The following SNX6 variants were observed in gnomAD, a reference collection of about 807,000 sequenced individuals.
SNX6 encodes the protein sorting nexin 6.
A neutral mutation model predicts 63.0 loss-of-function variants in SNX6; 34 were observed. That is an observed-to-expected ratio of 0.54 (90% confidence interval 0.41 to 0.72). The LOEUF (loss-of-function observed/expected upper bound fraction) is 0.72. SNX6 is among the 30% of genes least tolerant of loss of function. The pLI is 0.00. For synonymous variants in SNX6, 170 were observed against 164.2 expected, an observed-to-expected ratio of 1.04 and a Z score of -0.27; for missense variants, 398 against 471.4, an observed-to-expected ratio of 0.84 and a Z score of 1.44.
At chr14:34,605,273 A>G (rs1033274445) in intron 5 of SNX6, among the ~76,000 whole-genome samples, 3 of 152,034 alleles carry the variant, frequency 2.0e-5, no homozygotes, top group Non-Finnish European at 4.4e-5. Flanking sequence ...CATGTTCTCT[A>G]TTTCTTTTTC....
intron 4 of SNX6, 89 bp from the exon 5 acceptor site, chr14:34,605,806 A>C: frequency 6.8e-7 from 1 of 1,469,750 alleles, no homozygotes; most frequent in Non-Finnish European, 9.0e-7. Context: ...GTGTCTGGGA[A>C]AGCTAAGGGG....
chr14:34,602,908 G>A (rs1183166844), intron 6 of SNX6, among the ~76,000 whole-genome samples: 3 of 150,528 alleles, frequency 2.0e-5, no homozygotes, highest in Admixed American at 6.6e-5. Flanking sequence ...CCCGGGAGGC[G>A]GAGCTTGCAG....
chr14:34,614,397 A>G (rs1477969042), intron 2 of SNX6, among the ~76,000 whole-genome samples: 2 of 152,092 alleles, frequency 1.3e-5, no homozygotes, highest in Admixed American at 1.3e-4. Context: ...AGAAACTGCC[A>G]ATGCACTCCA....
In SNX6 at chr14:34,606,514, G is replaced by A. The variant is rs573255819; in HGVS notation, c.271-797C>T. Among the ~76,000 whole-genome samples, 18 of 150,902 alleles carry A rather than the reference G, an allele frequency of 1.2e-4. No homozygotes were observed. The South Asian group carries it at 1.3e-3, about 11-fold the overall frequency. ...GTTGCCCAACCTGGACTGCAATGGC[G>A]TAATCTCAGCTCACCACAACCTCTG... On this transcript the variant is annotated intron_variant, in intron 4 of 13. Coordinates refer to ENST00000362031, the MANE Select transcript of SNX6 (RefSeq NM_152233.4).
intron 2 of SNX6, among the ~76,000 whole-genome samples, chr14:34,623,255 C>T (rs768647751): frequency 5.3e-5 from 8 of 151,210 alleles, no homozygotes; most frequent in African/African-American, 1.7e-4. Flanking sequence ...GAATTTGAAG[C>T]GAAAGAAAAG....
At chr14:34,617,080 G>C (rs1401666551) in intron 2 of SNX6, among the ~76,000 whole-genome samples, 1 of 151,850 alleles carries the variant, frequency 6.6e-6, no homozygotes, top group East Asian at 1.9e-4. Context: ...AGACTGTCTC[G>C]GGTTAAAAAA....
At chr14:34,587,889 C>T (rs946204706) in intron 8 of SNX6, among the ~76,000 whole-genome samples, 1 of 150,444 alleles carries the variant, frequency 6.6e-6, no homozygotes, top group African/African-American at 2.4e-5. Context: ...TGGCTCACTG[C>T]AACCTCCACC....
At position 34,562,986 on chromosome 14, in the gene SNX6, G is replaced by T; in HGVS notation, c.*136C>A. On this transcript the variant is annotated 3_prime_UTR_variant, in exon 14 of 14. Coordinates refer to ENST00000362031, the MANE Select transcript of SNX6 (RefSeq NM_152233.4). ...GGCGTGCGCTGCTCCATGTTTCTCA[G>T]AAAAAGAGGAGTTGATGCACTTTTT... 1 of 834,348 alleles carries T rather than the reference G, an allele frequency of 1.2e-6. No homozygotes were observed. The highest frequency in any genetic ancestry group is 1.6e-5 in the South Asian group (1 of 62,130). 51.7% of individuals were successfully genotyped at this position (834,348 alleles called of 1,614,324 possible). A position where few individuals can be genotyped will look rare whatever the true frequency, so the allele number is the denominator to read the frequency against.
At chr14:34,574,639 AAAAG>A (rs1566466898) in intron 11 of SNX6, among the ~76,000 whole-genome samples, 3 of 151,414 alleles carry the variant, frequency 2.0e-5, no homozygotes, top group Admixed American at 6.6e-5. Flanking sequence ...AAAAAAAAAA[AAAAG>A]AAAGAAATCC....
chr14:34,572,510 G>C (rs1282486659), intron 11 of SNX6, among the ~76,000 whole-genome samples: 1 of 152,046 alleles, frequency 6.6e-6, no homozygotes, highest in African/African-American at 2.4e-5. Context: ...GTATTTATAA[G>C]TACCTAAGAA....
intron 7 of SNX6, among the ~76,000 whole-genome samples, chr14:34,596,278 CT>C (rs1383416475): frequency 6.6e-6 from 1 of 150,970 alleles, no homozygotes; most frequent in East Asian, 2.0e-4. Context: ...CTCATTCAAT[CT>C]TTTTAATAAG....
Position 34,589,750 on chromosome 14 carries a change from G to A in SNX6, c.718+3295C>T, listed in dbSNP as rs572952623. ...AGGCATGAGAATCACTTGAACCCAC[G>A]AGACGGGGGTGGGGCAGTGAGCCAA... is the stretch of plus-strand genomic sequence containing the variant. On this transcript the variant is annotated intron_variant, in intron 8 of 13. Transcript: ENST00000362031. 3.4e-4 allele frequency among the ~76,000 whole-genome samples: 52 copies of A among 152,048 alleles called. No homozygotes were observed. In the South Asian group the frequency reaches 1.0e-2, roughly 29 times the overall value.
chr14:34,588,198 A>G (rs926975630), intron 8 of SNX6, among the ~76,000 whole-genome samples: 2 of 151,862 alleles, frequency 1.3e-5, no homozygotes, highest in African/African-American at 4.8e-5. Context: ...TAGTAGAGAC[A>G]GGGTTTCACC....
At chr14:34,608,307 G>C (rs1048669217) in intron 3 of SNX6, among the ~76,000 whole-genome samples, 167 bp from the exon 4 acceptor site, 5 of 152,028 alleles carry the variant, frequency 3.3e-5, no homozygotes, top group African/African-American at 1.2e-4. Context: ...CCTCCGAGTA[G>C]CTGGGACTAC....
At chr14:34,574,467 T>G (rs985962279) in intron 11 of SNX6, among the ~76,000 whole-genome samples, 1 of 150,778 alleles carries the variant, frequency 6.6e-6, no homozygotes, top group Non-Finnish European at 1.5e-5. Flanking sequence ...CTGGCCAACA[T>G]AGGGAAATCC....
intron 13 of SNX6, 40 bp downstream of exon 13, chr14:34,567,646 A>T (rs762941017): frequency 1.4e-6 from 2 of 1,439,634 alleles, no homozygotes. Flanking sequence ...TTTCTATATT[A>T]CATGTAACTT....
intron 2 of SNX6, among the ~76,000 whole-genome samples, chr14:34,624,933 C>T (rs568621624): frequency 1.3e-5 from 2 of 152,034 alleles, no homozygotes; most frequent in Non-Finnish European, 2.9e-5. Context: ...CCTTTCTTTT[C>T]GAGACAGAGT....
intron 9 of SNX6, among the ~76,000 whole-genome samples, 176 bp downstream of exon 9, chr14:34,586,054 C>T (rs952958923): frequency 6.6e-6 from 1 of 152,008 alleles, no homozygotes; most frequent in African/African-American, 2.4e-5. Flanking sequence ...AGGTGTGTGT[C>T]ACCCCGCCTG....
chr14:34,627,318 G>A (rs915103029), intron 2 of SNX6, among the ~76,000 whole-genome samples: 1 of 152,072 alleles, frequency 6.6e-6, no homozygotes, highest in Admixed American at 6.5e-5. Flanking sequence ...GCGGTGGCGG[G>A]CGCCTGTAGT....
Sources: allele counts gnomAD v4.1 joint callset (sites outside exome capture counted in the v4.1 genomes callset), GRCh38; gene constraint gnomAD v4.1.1; transcripts MANE v1.5; gene names NCBI Gene and HGNC (gene_info 2026-07-23, HGNC 2026-07-21).